Variants in PRPF40B observed in about 807,000 individuals in gnomAD.
PRPF40B encodes the protein pre-mRNA processing factor 40B, also known as pre-mRNA-processing factor 40 homolog B.
Under a neutral mutation model 124.5 loss-of-function variants are expected in PRPF40B, and 56 were observed. The ratio of observed to expected loss-of-function variants is 0.45; its 90% CI spans 0.36 to 0.56. PRPF40B has a LOEUF of 0.56. Among genes scored for constraint, PRPF40B ranks in the 20% least tolerant of loss-of-function variants. The probability of loss-of-function intolerance (pLI) is 0.00; values close to 1 mark genes in which losing one functional copy is unlikely to be tolerated. For synonymous variants in PRPF40B, 443 were observed against 426.4 expected (o/e 1.04, Z -0.48); for missense variants, 1,053 against 1,169.5 (o/e 0.90, Z 1.45).
At chr12:49,632,459 A>C in intron 4 of PRPF40B, 137 bp from the exon 5 acceptor site, 1 of 893,378 alleles carries the variant, frequency 1.1e-6, no homozygotes. Context: ...GGGTGGGGGA[A>C]GCCTGTTAGG....
chr12:49,638,058 G>A (rs1670437214), intron 18 of PRPF40B: 1 of 504,174 alleles, frequency 2.0e-6, no homozygotes, highest in Non-Finnish European at 3.5e-6. Flanking sequence ...AGGGGCAAGT[G>A]TTATTACAGA....
At chr12:49,633,405 C>T (rs1459217738) in intron 7 of PRPF40B, 22 bp from the exon 8 acceptor site, 2 of 1,613,912 alleles carry the variant, frequency 1.2e-6, no homozygotes, top group South Asian at 1.1e-5. Flanking sequence ...CCACTGATGG[C>T]TCCTATCCCA....
At chr12:49,634,993 T>A in intron 12 of PRPF40B, 106 bp from the exon 13 acceptor site, 15 of 1,218,810 alleles carry the variant, frequency 1.2e-5, no homozygotes, top group Non-Finnish European at 1.7e-5. Flanking sequence ...ATCTGTGCCC[T>A]TGGAGCCCCT....
In PRPF40B at chr12:49,636,785, A is replaced by T. The variant is rs981786077; in HGVS notation, c.1496A>T (p.Glu499Val). 2 of 1,614,096 alleles carry T rather than the reference A, an allele frequency of 1.2e-6. No individual in the cohort carries two copies. Among genetic ancestry groups the T allele is most frequent in the African/African-American group, 2.7e-5 (2 of 74,930 alleles). ...CGAGCTTTGGAGAGGGAAGAGGAGG[A>T]GGAACGGGAGCGGGCCCGGCTTCGG... ...HIRALEREEE[E>V]ERERARLRER... The change falls in exon 16 of 26, where the codon GAG becomes GTG. Residue 499 changes from glutamate to valine, a missense_variant. Physicochemically the swap from Glu to Val is moderately radical, Grantham distance 121. Transcript: ENST00000548825.
Position 49,632,996 on chromosome 12 carries a change from G to GGGGGGGGGGCCC in PRPF40B, c.349-18_349-17insGGGGGGGGGCCC. 1.7e-6 allele frequency: 2 copies of GGGGGGGGGGCCC among 1,147,396 alleles called. No individual in the cohort carries two copies. Among genetic ancestry groups the GGGGGGGGGGCCC allele is most frequent in the Non-Finnish European group, 2.4e-6 (2 of 823,010 alleles). The allele number at this position is 1,147,396 out of a possible 1,614,324, so 71.1% of individuals were successfully genotyped here. ...AAAGGGGCCTTGACCACCATTCTGT[G>GGGGGGGGGGCCC]CCCCCCCCCCCACCCAGAGGGCCCT... On this transcript the variant is annotated splice_polypyrimidine_tract_variant and intron_variant, in intron 6 of 25. Transcript: ENST00000548825.
At chr12:49,636,656 T>C in intron 15 of PRPF40B, 60 bp from the exon 16 acceptor site, 6 of 1,605,798 alleles carry the variant, frequency 3.7e-6, no homozygotes, top group Non-Finnish European at 4.3e-6. Context: ...TTAGGGGTGC[T>C]GGGGTCTGAG....
chr12:49,635,321 T>G lies in PRPF40B; in HGVS notation c.1167-44T>G. 1 of 1,608,450 alleles carries G rather than the reference T, an allele frequency of 6.2e-7. No homozygotes were observed. The highest frequency in any genetic ancestry group is 8.5e-7 in the Non-Finnish European group (1 of 1,177,336). ...ACCCTGAGAACACAAAGGTCCAGGG[T>G]CTCTGTTCTCTGTCTACCTACTCAC... On this transcript the variant is annotated intron_variant, in intron 13 of 25. Transcript: ENST00000548825. This position sits in a 1 kb window ranked among gnomAD's most constrained non-coding sequence, Gnocchi z 4.1.
At chr12:49,637,891 C>CT in intron 18 of PRPF40B, 67 bp downstream of exon 18, 2 of 1,283,878 alleles carry the variant, frequency 1.6e-6, no homozygotes, top group Non-Finnish European at 2.2e-6. Context: ...CAGAGGACTC[C>CT]CTGATAAGTC....
intron 18 of PRPF40B, chr12:49,640,668 G>A (rs991803705): frequency 6.6e-6 from 1 of 152,232 alleles, no homozygotes; most frequent in Admixed American, 6.5e-5. Context: ...GTAAATCAGG[G>A]ATAATTCATA....
At position 49,643,881 on chromosome 12, in the gene PRPF40B, A is replaced by G. The variant is rs1204354224; in HGVS notation, c.2463A>G (p.Thr821=). ...RHKSNSPESE[T]DPEEKAGKES... ...TACAGAATAGTCCTGAGAGTGAGAC[A>G]GACCCTGAGGAGAAAGCTGGCAAGG... The change falls in exon 25 of 26, where the codon ACA becomes ACG. Residue 821 remains threonine, a synonymous_variant. Transcript: ENST00000548825. The G allele has an allele frequency of 1.2e-6, 2 of 1,614,098 alleles. No homozygotes were observed. Among genetic ancestry groups the G allele is most frequent in the Non-Finnish European group, 1.7e-6 (2 of 1,180,042 alleles).
At chr12:49,624,100 A>G in intron 1 of PRPF40B, 3 of 985,792 alleles carry the variant, frequency 3.0e-6, no homozygotes, top group Non-Finnish European at 3.6e-6. Flanking sequence ...CCTGAGGTGG[A>G]GAGGGGGCCT....
chr12:49,623,015 C>T (rs1365177082), upstream of PRPF40B, among the ~76,000 whole-genome samples: 1 of 151,328 alleles, frequency 6.6e-6, no homozygotes. Flanking sequence ...GCGAGAAGCA[C>T]GTGTACGCCC....
At position 49,644,144 on chromosome 12, in the gene PRPF40B, G is replaced by C; in HGVS notation, c.2631G>C (p.Leu877=). ...AAAGTGAGCTGAGTGAGGGTGAGCT[G>C]GAGAGGCGGCGGCGGACACTCCTAC... ...TSESELSEGE[L]ERRRRTLLQQ... is the part of the protein sequence containing the mutation. The change falls in exon 26 of 26, where the codon CTG becomes CTC. Residue 877 remains leucine, a synonymous_variant. Coordinates refer to ENST00000548825, the MANE Select transcript of PRPF40B (RefSeq NM_001031698.3). The C allele has an allele frequency of 6.2e-7, 1 of 1,614,180 alleles. No individual in the cohort carries two copies. The highest frequency in any genetic ancestry group is 1.1e-5 in the South Asian group (1 of 91,084).
At chr12:49,638,938 G>A (rs534052720) in intron 18 of PRPF40B, 25 of 152,236 alleles carry the variant, frequency 1.6e-4, no homozygotes, top group African/African-American at 6.0e-4. Flanking sequence ...ACAAATTCAC[G>A]TAGGTGTTGC....
At position 49,634,539 on chromosome 12, in the gene PRPF40B, C is replaced by G; in HGVS notation, c.938C>G (p.Ala313Gly). ...QAFKELLRDK[A>G]VPSNASWEQA... is the part of the protein sequence containing the mutation. ...TGACTCCCACCTGCTTCATTCCAGGCTGTCCCCTCCAATGCCTCATGGGAA... is the reference window on the plus strand; with the variant it reads ...TGACTCCCACCTGCTTCATTCCAGGGTGTCCCCTCCAATGCCTCATGGGAA... Residue 313 changes from alanine (A) to glycine (G), a missense_variant and splice_region_variant, in exon 12 of 26, where the codon GCT (alanine) becomes GGT (glycine). By Grantham distance (60) the Ala-to-Gly change is moderately conservative. Around this residue, in one of 2 missense-constraint regions of PRPF40B, gnomAD observed 895 missense variants for 1,052.2 expected, o/e 0.85. Transcript: ENST00000548825. 1 of 1,614,236 alleles carries G rather than the reference C, an allele frequency of 6.2e-7. No individual in the cohort carries two copies. Among genetic ancestry groups the G allele is most frequent in the Non-Finnish European group, 8.5e-7 (1 of 1,180,032 alleles).
intron 18 of PRPF40B, chr12:49,639,503 T>G (rs1230971122): frequency 6.6e-6 from 1 of 152,280 alleles, no homozygotes; most frequent in Non-Finnish European, 1.5e-5. Context: ...GCTGTAGCGC[T>G]CCAGCTGTTC....
intron 18 of PRPF40B, chr12:49,638,313 T>G (rs1010618984): frequency 4.6e-5 from 7 of 153,758 alleles, no homozygotes; most frequent in African/African-American, 1.4e-4. Context: ...AAACTTCACA[T>G]AGAAAATCTG....
Position 49,635,266 on chromosome 12 carries a change from C to A in PRPF40B, c.1166+3C>A. 6.2e-7 allele frequency: 1 copy of A among 1,612,348 alleles called. No individual in the cohort carries two copies. The highest frequency in any genetic ancestry group is 1.1e-5 in the South Asian group (1 of 90,868). On this transcript the variant is annotated splice_donor_region_variant and intron_variant, in intron 13 of 25. Transcript: ENST00000548825. The surrounding 1 kb of genome is among the most constrained non-coding windows in gnomAD (Gnocchi z 4.1). ...ATGACCTCCACCACCCGCTACCGGT[C>A]AGGGGGCCAGGCTGGGCTGGGACTT...
chr12:49,626,007 A>G (rs550565673), intron 1 of PRPF40B, among the ~76,000 whole-genome samples: 7 of 152,188 alleles, frequency 4.6e-5, no homozygotes, highest in Non-Finnish European at 1.0e-4. Context: ...AATCCTGGCC[A>G]GAGGTCTTCA....
Sources: gnomAD v4.1 joint callset for allele counts (sites outside exome capture counted in the v4.1 genomes callset) on GRCh38, gnomAD v4.1.1 for gene constraint, gnomAD v4.1.1 regional missense constraint, Gnocchi (gnomAD v3.1) non-coding constraint, MANE v1.5 for transcripts, NCBI Gene and HGNC (gene_info 2026-07-23, HGNC 2026-07-21) for gene names.